RAPGEF5: variants seen among roughly 807,000 people sequenced by gnomAD.
RAPGEF5 encodes the protein M-Ras-regulated GEF.
RAPGEF5 carries 65 observed loss-of-function variants against 125.2 expected under a neutral mutation model. The observed-to-expected ratio is 0.52, with a 90% CI of 0.43 to 0.64. RAPGEF5 has a LOEUF of 0.64. Ranked by LOEUF, RAPGEF5 falls within the 30% of genes least tolerant of loss-of-function variation. The probability of loss-of-function intolerance (pLI) is 0.00; values close to 1 mark genes in which losing one functional copy is unlikely to be tolerated. For missense variants in RAPGEF5, 958 were observed against 1,048.1 expected, an observed-to-expected ratio of 0.91 and a Z score of 1.19; for synonymous variants, 391 against 385.9, an observed-to-expected ratio of 1.01 and a Z score of -0.16.
rs754184022 is a variant in RAPGEF5 at position 22,291,188 on chromosome 7, C to T, written c.734G>A (p.Arg245His). 12 of 1,589,432 alleles carry T rather than the reference C, an allele frequency of 7.5e-6. No individual in the cohort carries two copies. Among genetic ancestry groups the T allele is most frequent in the Middle Eastern group, 1.7e-4 (1 of 6,020 alleles). ...GCATGGTCTTACCGCAGATGTTAGA[C>T]GCACAAGAATTTCATCACTGCTTTC... ...SEESSDEILV[R>H]LTSAVQRELA... Residue 245 changes from arginine (R) to histidine (H), a missense_variant, in exon 6 of 26, where the codon CGT becomes CAT. By Grantham distance (29) the Arg-to-His change is conservative. Transcript: ENST00000665637.
intron 17 of RAPGEF5, among the ~76,000 whole-genome samples, chr7:22,154,134 A>T (rs1452405673): frequency 6.6e-6 from 1 of 151,708 alleles, no homozygotes; most frequent in East Asian, 1.9e-4. Context: ...AAGTAATTTC[A>T]CTCTTTAGCA....
Position 22,118,633 on chromosome 7 carries a change from C to T in RAPGEF5, c.*3773G>A, listed in dbSNP as rs1428738980. ...GTCCCTGAGAAGTTAGGTAGACACCCTGATGGCGGGTTCTCTATCTTCTAA... is the reference window on the plus strand; with the variant it reads ...GTCCCTGAGAAGTTAGGTAGACACCTTGATGGCGGGTTCTCTATCTTCTAA... On this transcript the variant is annotated 3_prime_UTR_variant, in exon 26 of 26. Coordinates refer to ENST00000665637, the MANE Select transcript of RAPGEF5 (RefSeq NM_012294.5). The T allele has an allele frequency of 1.3e-5, 2 of 152,524 alleles. No homozygotes were observed. Among genetic ancestry groups the T allele is most frequent in the African/African-American group, 4.8e-5 (2 of 41,402 alleles). The allele number at this position is 152,524 out of a possible 1,614,324, so 9.4% of individuals were successfully genotyped here.
intron 6 of RAPGEF5, among the ~76,000 whole-genome samples, chr7:22,289,157 T>C (rs530277890): frequency 1.3e-5 from 2 of 152,350 alleles, no homozygotes; most frequent in East Asian, 3.9e-4. Flanking sequence ...CACCTTTCTT[T>C]GTGCACAATT....
At chr7:22,153,799 AG>A (rs1783709765) in intron 17 of RAPGEF5, among the ~76,000 whole-genome samples, 1 of 152,228 alleles carries the variant, frequency 6.6e-6, no homozygotes, top group Non-Finnish European at 1.5e-5. Context: ...AAACCAAAAA[AG>A]GAGGCCAGCA....
chr7:22,175,690 A>G lies in RAPGEF5; in HGVS notation c.1205-8542T>C, dbSNP rs111679250. Among the ~76,000 whole-genome samples the G allele has an allele frequency of 1.2e-3, 180 of 152,306 alleles. 1 individual carries two copies. The highest frequency in any genetic ancestry group is 3.5e-3 in the African/African-American group (144 of 41,558). On this transcript the variant is annotated intron_variant, in intron 11 of 25. Transcript: ENST00000665637. ...TCTAAACATACAAGCTGTGTTCCTTAGTGTTTGTCCATTAAACGTTCTTAA... is the reference window on the plus strand; with the variant it reads ...TCTAAACATACAAGCTGTGTTCCTTGGTGTTTGTCCATTAAACGTTCTTAA...
chr7:22,347,342 A>G (rs1315404641), intron 1 of RAPGEF5, among the ~76,000 whole-genome samples: 1 of 152,200 alleles, frequency 6.6e-6, no homozygotes, highest in East Asian at 1.9e-4. Flanking sequence ...TGTATACCCC[A>G]TGTTAAAGCT....
At chr7:22,240,279 C>T (rs1049645840) in intron 7 of RAPGEF5, among the ~76,000 whole-genome samples, 1 of 148,112 alleles carries the variant, frequency 6.8e-6, no homozygotes, top group African/African-American at 2.5e-5. Context: ...TAAAATAAAA[C>T]CTTGATAAAC....
At chr7:22,184,731 A>G (rs1784777744) in intron 11 of RAPGEF5, among the ~76,000 whole-genome samples, 1 of 152,244 alleles carries the variant, frequency 6.6e-6, no homozygotes. Context: ...GGTATTAATT[A>G]ACCCACAATC....
At chr7:22,191,381 T>A (rs149204866) in intron 11 of RAPGEF5, 1 of 347,296 alleles carries the variant, frequency 2.9e-6, no homozygotes, top group Non-Finnish European at 5.8e-6. Flanking sequence ...CAAAGTTGAC[T>A]TTTCCATTTT....
intron 6 of RAPGEF5, among the ~76,000 whole-genome samples, chr7:22,268,445 C>T (rs1028377471): frequency 6.6e-6 from 1 of 152,180 alleles, no homozygotes; most frequent in East Asian, 1.9e-4. Flanking sequence ...ATTTAAAAAG[C>T]ATCGAAGTAA....
intron 9 of RAPGEF5, among the ~76,000 whole-genome samples, chr7:22,212,825 T>A (rs755682408): frequency 5.3e-5 from 8 of 152,186 alleles, no homozygotes; most frequent in Admixed American, 2.0e-4. Context: ...ACCTGGGGTC[T>A]GGAGTGAGAT....
intron 1 of RAPGEF5, among the ~76,000 whole-genome samples, chr7:22,324,163 T>C (rs1302593530): frequency 6.6e-6 from 1 of 152,254 alleles, no homozygotes; most frequent in African/African-American, 2.4e-5. Flanking sequence ...ATCTGCCTCC[T>C]GATATGATGA....
chr7:22,324,278 G>A (rs141638111), intron 1 of RAPGEF5, among the ~76,000 whole-genome samples: 1 of 152,252 alleles, frequency 6.6e-6, no homozygotes, highest in African/African-American at 2.4e-5. Context: ...AAAGTAACTG[G>A]CCTGTACTTT....
At chr7:22,289,021 C>A (rs1432723715) in intron 6 of RAPGEF5, among the ~76,000 whole-genome samples, 1 of 152,218 alleles carries the variant, frequency 6.6e-6, no homozygotes, top group East Asian at 1.9e-4. Context: ...ATAAATTCCA[C>A]AGCTAGAATA....
In RAPGEF5 at chr7:22,188,926, A is replaced by G. The variant is rs1784905500; in HGVS notation, c.1204+4441T>C. On this transcript the variant is annotated intron_variant, in intron 11 of 25. Transcript: ENST00000665637. The stretch of plus-strand genomic sequence containing the variant: ...ACTTTTTCAATCACATGCTCAACCT[A>G]CTATGTGTTGCTAAACGCCAGCTCC... 1.3e-5 allele frequency among the ~76,000 whole-genome samples: 2 copies of G among 152,176 alleles called. 1 individual carries two copies. The highest frequency in any genetic ancestry group is 4.2e-4 in the South Asian group (2 of 4,816).
chr7:22,309,117 A>G (rs1783412305), intron 4 of RAPGEF5, among the ~76,000 whole-genome samples: 1 of 152,370 alleles, frequency 6.6e-6, no homozygotes, highest in South Asian at 2.1e-4. Flanking sequence ...TAAAGGAATC[A>G]AGAGCTAGAG....
In RAPGEF5 at chr7:22,197,892, T is replaced by TG. The variant is rs1562757036; in HGVS notation, c.997-3860_997-3859insC. On this transcript the variant is annotated intron_variant, in intron 9 of 25. Coordinates refer to ENST00000665637, the MANE Select transcript of RAPGEF5 (RefSeq NM_012294.5). ...CATTAAATCTCTTTTTTCTTTTTTTTTGGGGGGGGGTGGTAGGAGGACATT... is the reference window on the plus strand; with the variant it reads ...CATTAAATCTCTTTTTTCTTTTTTTTGTGGGGGGGGGTGGTAGGAGGACATT... Among the ~76,000 whole-genome samples the TG allele has an allele frequency of 2.7e-3, 48 of 17,740 alleles. 1 individual carries two copies. The highest frequency in any genetic ancestry group is 1.5e-3 in the Non-Finnish European group (14 of 9,454). 11.6% of individuals were successfully genotyped at this position (17,740 alleles called of 152,430 possible).
intron 11 of RAPGEF5, 43 bp downstream of exon 11, chr7:22,193,324 C>T (rs1358962628): frequency 9.1e-6 from 14 of 1,542,466 alleles, no homozygotes; most frequent in Non-Finnish European, 1.2e-5. Flanking sequence ...ACAAGGGCAT[C>T]AGCTGCTATC....
chr7:22,230,707 C>T (rs1243644064), intron 8 of RAPGEF5, 139 bp downstream of exon 8: 6 of 728,950 alleles, frequency 8.2e-6, no homozygotes, highest in Non-Finnish European at 1.3e-5. Context: ...TATATCAAAA[C>T]TGAGCACTTT....
Sources: allele counts gnomAD v4.1 joint callset (sites outside exome capture counted in the v4.1 genomes callset), GRCh38; gene constraint gnomAD v4.1.1; transcripts MANE v1.5; gene names NCBI Gene and HGNC (gene_info 2026-07-23, HGNC 2026-07-21).